The following GNPTAB variants were observed in gnomAD, a reference collection of about 807,000 sequenced individuals.
The protein encoded by GNPTAB is N-acetylglucosamine-1-phosphate transferase subunits alpha and beta.
A neutral mutation model predicts 136.6 loss-of-function variants in GNPTAB; 92 were observed. The ratio of observed to expected loss-of-function variants is 0.67; its 90% CI spans 0.57 to 0.80. The LOEUF is 0.80. Among genes scored for constraint, GNPTAB ranks in the 30% least tolerant of loss-of-function variants. GNPTAB has a pLI of 0.00. For missense variants in GNPTAB, 1,343 were observed against 1,501.8 expected, an observed-to-expected ratio of 0.89 and a Z score of 1.75; for synonymous variants, 512 against 535.1, an observed-to-expected ratio of 0.96 and a Z score of 0.60.
At chr12:101,812,856 G>A (rs1380666191) in intron 1 of GNPTAB, among the ~76,000 whole-genome samples, 27 of 152,146 alleles carry the variant, frequency 1.8e-4, no homozygotes, top group Admixed American at 1.8e-3. Flanking sequence ...TCAGGCAGGA[G>A]CACAGTAGCA....
At chr12:101,825,144 T>C (rs563033771) in intron 1 of GNPTAB, among the ~76,000 whole-genome samples, 3 of 152,358 alleles carry the variant, frequency 2.0e-5, no homozygotes, top group Admixed American at 2.0e-4. Context: ...CAATTGCTTA[T>C]TCCCCTGTGT....
intron 1 of GNPTAB, 80 bp from the exon 2 acceptor site, chr12:101,796,842 G>A: frequency 2.1e-6 from 2 of 952,176 alleles, no homozygotes; most frequent in Non-Finnish European, 3.3e-6. Flanking sequence ...AATTTCATTA[G>A]AATTGCTAGA....
At chr12:101,751,794 G>C (rs1952823023) in intron 19 of GNPTAB, among the ~76,000 whole-genome samples, 1 of 152,218 alleles carries the variant, frequency 6.6e-6, no homozygotes. Context: ...TCTGACGGCA[G>C]TGATGATGAT....
intron 1 of GNPTAB, among the ~76,000 whole-genome samples, chr12:101,828,169 C>T (rs999740845): frequency 2.0e-5 from 3 of 152,146 alleles, no homozygotes; most frequent in African/African-American, 4.8e-5. Flanking sequence ...TAGCCATGAC[C>T]ATTTAATGAG....
At position 101,793,234 on chromosome 12, in the gene GNPTAB, C is replaced by T. The variant is rs184739508; in HGVS notation, c.204-3177G>A. Among the ~76,000 whole-genome samples, 35 of 152,268 alleles carry T rather than the reference C, an allele frequency of 2.3e-4. No homozygotes were observed. The East Asian group carries it at 6.6e-3, about 29-fold the overall frequency. On this transcript the variant is annotated intron_variant, in intron 2 of 20. Transcript: ENST00000299314. ...TAAAAAAAAATCCATCTGCCTCACA[C>T]TGCCCACATGTAAATTATCCAAGGT...
At chr12:101,770,664 C>T in intron 8 of GNPTAB, 79 bp from the exon 9 acceptor site, 1 of 1,016,968 alleles carries the variant, frequency 9.8e-7, no homozygotes, top group Non-Finnish European at 1.5e-6. Flanking sequence ...TTCCTTCTGC[C>T]CGTCTGCTCT....
chr12:101,780,680 TG>T, intron 5 of GNPTAB, 59 bp from the exon 6 acceptor site: 3 of 1,086,068 alleles, frequency 2.8e-6, no homozygotes, highest in Non-Finnish European at 4.3e-6. Context: ...CTATGGTGTC[TG>T]GCAGAACACT....
rs182910639 is a variant in GNPTAB, at chr12:101,789,902, T to G, written c.323+36A>C. 3 of 1,602,440 alleles carry G rather than the reference T, an allele frequency of 1.9e-6. No homozygotes were observed. In the African/African-American group the frequency reaches 4.0e-5, roughly 21 times the overall value. On this transcript the variant is annotated intron_variant, in intron 3 of 20. Transcript: ENST00000299314. ...CCTCAGACCTTATTACATCGCCACA[T>G]TACCCATCTGATGTGAAAAAAAAAA...
intron 1 of GNPTAB, among the ~76,000 whole-genome samples, chr12:101,813,851 C>G (rs997593440): frequency 6.6e-6 from 1 of 152,012 alleles, no homozygotes; most frequent in Non-Finnish European, 1.5e-5. Context: ...GAGGTTGAGA[C>G]GGGCAGATCA....
At chr12:101,765,438 C>T (rs1953075908) in intron 12 of GNPTAB, 134 bp from the exon 13 acceptor site, 5 of 693,732 alleles carry the variant, frequency 7.2e-6, no homozygotes, top group Non-Finnish European at 1.3e-5. Context: ...ATTTGCATGT[C>T]GTCCTTGTGC....
At position 101,815,622 on chromosome 12, in the gene GNPTAB, CAA is replaced by C. The variant is rs34191299; in HGVS notation, c.117+14935_117+14936del. On this transcript the variant is annotated intron_variant, in intron 1 of 20. Coordinates refer to ENST00000299314, the MANE Select transcript of GNPTAB (RefSeq NM_024312.5). ...TGGACAACATAGCAAGACCCTGTTCCAAAAAAAAAAAAAAAGCCTCTCTCTAA... is the reference window on the plus strand; with the variant it reads ...TGGACAACATAGCAAGACCCTGTTCCAAAAAAAAAAAAAGCCTCTCTCTAA... Among the ~76,000 whole-genome samples, 611 of 135,264 alleles carry C rather than the reference CAA, an allele frequency of 4.5e-3. 2 individuals carry two copies. The highest frequency in any genetic ancestry group is 9.6e-3 in the African/African-American group (360 of 37,548). 88.7% of individuals were successfully genotyped at this position (135,264 alleles called of 152,430 possible). A position where few individuals can be genotyped will look rare whatever the true frequency, so the allele number is the denominator to read the frequency against.
intron 1 of GNPTAB, among the ~76,000 whole-genome samples, chr12:101,805,727 A>G (rs868229026): frequency 6.6e-6 from 1 of 152,136 alleles, no homozygotes; most frequent in Non-Finnish European, 1.5e-5. Flanking sequence ...TAGGCCATTT[A>G]AAAAAATTGC....
intron 1 of GNPTAB, among the ~76,000 whole-genome samples, chr12:101,816,607 T>A (rs1870519332): frequency 1.3e-5 from 2 of 152,220 alleles, no homozygotes; most frequent in Admixed American, 6.5e-5. Context: ...GAATGTAAAT[T>A]AGTATAGCCA....
intron 7 of GNPTAB, among the ~76,000 whole-genome samples, chr12:101,776,782 A>T (rs187046370): frequency 1.3e-5 from 2 of 152,334 alleles, no homozygotes; most frequent in South Asian, 2.1e-4. Flanking sequence ...TAAAAAGGTG[A>T]ATAGGGCAGT....
At chr12:101,811,252 T>G (rs1161055697) in intron 1 of GNPTAB, among the ~76,000 whole-genome samples, 5 of 152,228 alleles carry the variant, frequency 3.3e-5, no homozygotes. Flanking sequence ...ATATAGTTTC[T>G]GTCTCAGCTA....
At position 101,757,264 on chromosome 12, in the gene GNPTAB, T is replaced by C; in HGVS notation, c.3382A>G (p.Thr1128Ala). ...TGGCCAACCACATGAGAAACGTTGG[T>C]ACGAATCATTTTAAAAGCGATTTCT... ...EEEIAFKMIR[T>A]NVSHVVGQLD... The change falls in exon 18 of 21, where the codon ACC (threonine) becomes GCC (alanine). Residue 1128 changes from threonine (T) to alanine (A), a missense_variant. Physicochemically the swap from Thr to Ala is moderately conservative, Grantham distance 58. Coordinates refer to ENST00000299314, the MANE Select transcript of GNPTAB (RefSeq NM_024312.5). 6.2e-7 allele frequency: 1 copy of C among 1,610,424 alleles called. No individual in the cohort carries two copies. Among genetic ancestry groups the C allele is most frequent in the Middle Eastern group, 1.7e-4 (1 of 6,042 alleles).
At chr12:101,784,270 G>A (rs1868504799) in intron 5 of GNPTAB, among the ~76,000 whole-genome samples, 1 of 152,174 alleles carries the variant, frequency 6.6e-6, no homozygotes, top group Admixed American at 6.5e-5. Flanking sequence ...CTTGAAGTGG[G>A]GCTGGACGAA....
intron 7 of GNPTAB, chr12:101,778,955 G>C (rs909251551): frequency 1.3e-5 from 2 of 150,414 alleles, no homozygotes; most frequent in African/African-American, 4.8e-5. Context: ...AAATTCATAA[G>C]TGGTTATTCA....
Position 101,764,662 on chromosome 12 carries a change from G to A in GNPTAB, c.2255C>T (p.Ala752Val). The part of the protein sequence containing the change: ...NSQHAKIKNQ[A>V]IITDETNDSL... ...GTCATTTGTTTCATCTGTTATTATA[G>A]CTTGATTTTTTATTTTAGCATGCTG... Residue 752 changes from alanine to valine, a missense_variant, in exon 13 of 21, where the codon GCT (alanine) becomes GTT (valine). Ala to Val is a moderately conservative substitution (Grantham distance 64). Transcript: ENST00000299314. The A allele has an allele frequency of 1.2e-6, 2 of 1,612,718 alleles. No individual in the cohort carries two copies. Among genetic ancestry groups the A allele is most frequent in the African/African-American group, 1.3e-5 (1 of 74,894 alleles).
Sources: gnomAD v4.1 joint callset for allele counts (sites outside exome capture counted in the v4.1 genomes callset) on GRCh38, gnomAD v4.1.1 for gene constraint, MANE v1.5 for transcripts, NCBI Gene and HGNC (gene_info 2026-07-23, HGNC 2026-07-21) for gene names.